Variants in CRTAC1 observed in about 807,000 individuals in gnomAD.
The protein encoded by CRTAC1 is acidic secreted protein in cartilage.
A neutral mutation model predicts 67.8 loss-of-function variants in CRTAC1; 37 were observed. The observed-to-expected ratio is 0.55, with a 90% confidence interval of 0.42 to 0.72. CRTAC1 has a LOEUF of 0.72. Ranked by LOEUF, CRTAC1 falls within the 30% of genes least tolerant of loss-of-function variation. The pLI, the probability that CRTAC1 is intolerant of heterozygous loss-of-function variation, is 0.00. For synonymous variants in CRTAC1, 348 were observed against 371.0 expected (o/e 0.94, Z 0.71); for missense variants, 780 against 931.6 (o/e 0.84, Z 2.12).
intron 2 of CRTAC1, among the ~76,000 whole-genome samples, chr10:97,963,625 A>G (rs1349740480): frequency 2.0e-5 from 3 of 152,200 alleles, no homozygotes; most frequent in Non-Finnish European, 4.4e-5. Context: ...TAAAACTCTG[A>G]TGGTTACTCA....
intron 1 of CRTAC1, among the ~76,000 whole-genome samples, chr10:98,014,299 G>T (rs911086129): frequency 2.1e-4 from 32 of 152,284 alleles, no homozygotes; most frequent in African/African-American, 7.7e-4. Context: ...ATTTTAACAA[G>T]ATTTCAGATT....
Position 98,029,439 on chromosome 10 carries a change from G to A in CRTAC1, c.24+1010C>T, listed in dbSNP as rs1028654491. ...AATGTGTCCTGTCAGGAGAACGGAA[G>A]CATCTCCTGGGATGTGCAGAAGCCA... On this transcript the variant is annotated intron_variant, in intron 1 of 14. Coordinates refer to ENST00000370597, the MANE Select transcript of CRTAC1 (RefSeq NM_018058.7). The surrounding 1 kb of genome is among the most constrained non-coding windows in gnomAD (Gnocchi z 4.7). Among the ~76,000 whole-genome samples the A allele has an allele frequency of 2.6e-5, 4 of 151,986 alleles. No individual in the cohort carries two copies. The highest frequency in any genetic ancestry group is 2.6e-4 in the Admixed American group (4 of 15,258).
chr10:97,942,132 G>C (rs995646392), intron 2 of CRTAC1, among the ~76,000 whole-genome samples: 1 of 152,144 alleles, frequency 6.6e-6, no homozygotes, highest in African/African-American at 2.4e-5. Flanking sequence ...TCCCTCATTG[G>C]TATTCTCATC....
At chr10:97,921,692 G>A (rs11189436) in intron 4 of CRTAC1, among the ~76,000 whole-genome samples, 101,514 of 151,898 alleles carry the variant, frequency 0.67, 35,236 homozygotes, top group East Asian at 0.83. Context: ...GGCTGCCCTT[G>A]GCCTCTCTCC....
At chr10:98,018,837 G>A (rs1353078676) in intron 1 of CRTAC1, among the ~76,000 whole-genome samples, 1 of 152,042 alleles carries the variant, frequency 6.6e-6, no homozygotes, top group Non-Finnish European at 1.5e-5. Context: ...ACACAGGCTG[G>A]GCCACCAGCT....
rs200414761 is a variant in CRTAC1, at chr10:97,880,308, C to T, written c.1760G>A (p.Arg587Gln). The change falls in exon 14 of 15, where the codon CGG becomes CAG. Residue 587 changes from arginine to glutamine, a missense_variant. Physicochemically the swap from Arg to Gln is conservative, Grantham distance 43. Transcript: ENST00000370597. Reference sequence around the variant, plus strand: ...GCCCCGACTGCACTTCTTGTTGGTCCGGCACCTGTAGCTTCCATAGGTGTT... The same window carrying T: ...GCCCCGACTGCACTTCTTGTTGGTCTGGCACCTGTAGCTTCCATAGGTGTT... The part of the protein sequence containing the change: ...CVNTYGSYRC[R>Q]TNKKCSRGYE... The T allele has an allele frequency of 9.6e-5, 155 of 1,614,182 alleles. No individual in the cohort carries two copies. The highest frequency in any genetic ancestry group is 5.2e-4 in the South Asian group (47 of 91,080).
intron 11 of CRTAC1, 58 bp from the exon 12 acceptor site, chr10:97,884,409 AAGCATC>A: frequency 6.9e-7 from 1 of 1,445,226 alleles, no homozygotes; most frequent in East Asian, 2.5e-5. Context: ...CTCTCAGCGG[AAGCATC>A]AGCATCAACT....
At chr10:97,954,045 C>T (rs1247673459) in intron 2 of CRTAC1, among the ~76,000 whole-genome samples, 2 of 152,162 alleles carry the variant, frequency 1.3e-5, no homozygotes, top group Non-Finnish European at 2.9e-5. Flanking sequence ...AGCTGGGCTG[C>T]CGTGGCATCG....
chr10:97,932,327 G>A (rs903656909), intron 3 of CRTAC1, among the ~76,000 whole-genome samples: 7 of 152,120 alleles, frequency 4.6e-5, no homozygotes, highest in East Asian at 1.9e-4. Context: ...GCTTTCATTC[G>A]TTATCTCAGG....
chr10:97,968,583 G>T (rs2051656873), intron 2 of CRTAC1, among the ~76,000 whole-genome samples: 1 of 152,184 alleles, frequency 6.6e-6, no homozygotes, highest in African/African-American at 2.4e-5. Flanking sequence ...TCTAGTCGGG[G>T]TAAATGGGGC....
chr10:98,007,889 T>C (rs1444760433), intron 2 of CRTAC1, among the ~76,000 whole-genome samples: 1 of 152,074 alleles, frequency 6.6e-6, no homozygotes, highest in Non-Finnish European at 1.5e-5. Flanking sequence ...AAAGACTTCA[T>C]TGAAGAGGAA....
At chr10:97,905,088 G>A (rs2050593789) in intron 6 of CRTAC1, among the ~76,000 whole-genome samples, 1 of 152,074 alleles carries the variant, frequency 6.6e-6, no homozygotes, top group Admixed American at 6.5e-5. Context: ...GGTGGCATGG[G>A]TTGGGGGAGG....
chr10:97,895,285 G>T lies in CRTAC1; in HGVS notation c.1446C>A (p.Gly482=). 1 of 1,613,204 alleles carries T rather than the reference G, an allele frequency of 6.2e-7. No individual in the cohort carries two copies. The highest frequency in any genetic ancestry group is 8.5e-7 in the Non-Finnish European group (1 of 1,180,002). The change falls in exon 11 of 15, where the codon GGC becomes GGA. Residue 482 remains glycine, a synonymous_variant. Coordinates refer to ENST00000370597, the MANE Select transcript of CRTAC1 (RefSeq NM_018058.7). The surrounding 1 kb of genome is among the most constrained non-coding windows in gnomAD (Gnocchi z 4.2). ...AHLRIIDGGS[G]YLCEMEPVAH... ...CCACGGGCTCCATCTCACACAGGTA[G>T]CCTGAGCCCCCGTCGATGATCCTCA... is the stretch of plus-strand genomic sequence containing the variant.
chr10:97,894,595 G>A (rs1162991912), intron 11 of CRTAC1, among the ~76,000 whole-genome samples: 5 of 149,004 alleles, frequency 3.4e-5, no homozygotes, highest in African/African-American at 7.4e-5. Context: ...ATGAGGTTTC[G>A]CCATGTTGCC....
At chr10:97,921,194 G>T (rs980685194) in intron 4 of CRTAC1, among the ~76,000 whole-genome samples, 1 of 152,170 alleles carries the variant, frequency 6.6e-6, no homozygotes, top group African/African-American at 2.4e-5. Context: ...CTGAGAATGT[G>T]CATTTCTAGC....
chr10:97,928,997 G>A (rs749115411), intron 3 of CRTAC1, among the ~76,000 whole-genome samples: 24 of 152,068 alleles, frequency 1.6e-4, no homozygotes, highest in Non-Finnish European at 2.8e-4. Flanking sequence ...AAAATGCAGC[G>A]AGTGGCCACT....
At chr10:97,885,917 T>C (rs1432510634) in intron 11 of CRTAC1, among the ~76,000 whole-genome samples, 1 of 152,228 alleles carries the variant, frequency 6.6e-6, no homozygotes, top group East Asian at 1.9e-4. Context: ...AGAAAACAAA[T>C]TAAACTTAAA....
intron 3 of CRTAC1, among the ~76,000 whole-genome samples, chr10:97,934,182 C>T (rs146638707): frequency 6.6e-6 from 1 of 152,358 alleles, no homozygotes; most frequent in East Asian, 1.9e-4. Context: ...CCTGGGGACT[C>T]ACCCCTTCTA....
intron 1 of CRTAC1, among the ~76,000 whole-genome samples, chr10:98,018,460 T>G (rs577870157): frequency 1.3e-5 from 2 of 152,244 alleles, no homozygotes; most frequent in Admixed American, 1.3e-4. Flanking sequence ...CACGTTCCCC[T>G]TCTTTGACAT....
Sources: allele counts gnomAD v4.1 joint callset (sites outside exome capture counted in the v4.1 genomes callset), GRCh38; gene constraint gnomAD v4.1.1; non-coding constraint Gnocchi (gnomAD v3.1); transcripts MANE v1.5; gene names NCBI Gene and HGNC (gene_info 2026-07-23, HGNC 2026-07-21).